Variants in NLGN4X observed in about 807,000 individuals in gnomAD.
NLGN4X encodes the protein neuroligin 4 X-linked.
NLGN4X carries 3 observed loss-of-function variants against 40.3 expected under a neutral mutation model. The ratio of observed to expected loss-of-function variants is 0.07; its 90% CI spans 0.03 to 0.19. The LOEUF (loss-of-function observed/expected upper bound fraction) is 0.19. NLGN4X is among the 10% of genes least tolerant of loss of function. The probability of loss-of-function intolerance (pLI) is 1.00; values close to 1 mark genes in which losing one functional copy is unlikely to be tolerated. For missense variants in NLGN4X, 382 were observed against 708.3 expected, an observed-to-expected ratio of 0.54 and a Z score of 5.23; for synonymous variants, 270 against 306.8, an observed-to-expected ratio of 0.88 and a Z score of 1.25.
intron 1 of NLGN4X, among the ~76,000 whole-genome samples, chrX:6,153,987 T>A (rs2040213185): frequency 8.9e-6 from 1 of 112,649 alleles, no homozygotes; most frequent in Admixed American, 9.4e-5. Context: ...CCCTTGTTTT[T>A]TGAAATTTGG....
intron 2 of NLGN4X, among the ~76,000 whole-genome samples, chrX:6,098,341 A>G (rs2038830063): frequency 9.0e-6 from 1 of 111,565 alleles, no homozygotes; most frequent in Non-Finnish European, 1.9e-5. Context: ...AATAAAAACT[A>G]GAAAAGCACA....
chrX:6,082,948 G>GTTTTTTTTTTTTTTTTTT (rs930625574), intron 2 of NLGN4X, among the ~76,000 whole-genome samples: 1 of 70,358 alleles, frequency 1.4e-5, no homozygotes, highest in African/African-American at 4.8e-5. Flanking sequence ...GCCATGATGC[G>GTTTTTTTTTTTTTTTTTT]TTTTTTTCTT....
chrX:5,923,069 C>T (rs1239581803), intron 3 of NLGN4X, among the ~76,000 whole-genome samples: 1 of 111,486 alleles, frequency 9.0e-6, no homozygotes, highest in Non-Finnish European at 1.9e-5. Flanking sequence ...ACCTATTCAT[C>T]ACTACAAACA....
At chrX:5,956,907 T>G (rs1187983379) in intron 3 of NLGN4X, among the ~76,000 whole-genome samples, 1 of 111,806 alleles carries the variant, frequency 8.9e-6, no homozygotes, top group African/African-American at 3.3e-5. Context: ...ACAATCTGAT[T>G]ATTGGCATTT....
chrX:5,942,511 G>A lies in NLGN4X; in HGVS notation c.626-33272C>T, dbSNP rs150268364. On this transcript the variant is annotated intron_variant, in intron 3 of 5. Transcript: ENST00000381095. ...AGCCTGGCCAACATGGCGAAACCTC[G>A]TCTCTACTAAAAATAGAAAAATTAG... Among the ~76,000 whole-genome samples the A allele has an allele frequency of 2.4e-3, 267 of 110,531 alleles. 2 individuals are homozygous for A. Among genetic ancestry groups the A allele is most frequent in the Non-Finnish European group, 2.9e-3 (155 of 52,844 alleles).
At chrX:6,171,860 T>C (rs994819924) in intron 1 of NLGN4X, among the ~76,000 whole-genome samples, 23 of 111,447 alleles carry the variant, frequency 2.1e-4, no homozygotes, top group African/African-American at 7.5e-4. Flanking sequence ...GGTGATGGCA[T>C]CATGGGGAGC....
intron 3 of NLGN4X, among the ~76,000 whole-genome samples, chrX:5,966,616 A>G (rs1423920001): frequency 8.9e-6 from 1 of 112,765 alleles, no homozygotes; most frequent in African/African-American, 3.2e-5. Flanking sequence ...CTGAAAAAAT[A>G]CAGACACATG....
intron 2 of NLGN4X, among the ~76,000 whole-genome samples, chrX:6,083,110 C>T (rs1173423887): frequency 3.9e-5 from 4 of 101,620 alleles, no homozygotes; most frequent in Non-Finnish European, 8.0e-5. Flanking sequence ...AGGTGCCCGC[C>T]ACCTCGCCCG....
intron 1 of NLGN4X, among the ~76,000 whole-genome samples, chrX:6,196,476 C>T (rs903565043): frequency 1.3e-4 from 12 of 93,603 alleles, no homozygotes; most frequent in Admixed American, 4.1e-4. Flanking sequence ...GGCGTGAACC[C>T]GGGAGGCGGA....
chrX:6,201,358 T>C (rs1176066432), intron 1 of NLGN4X, among the ~76,000 whole-genome samples: 2 of 112,013 alleles, frequency 1.8e-5, no homozygotes, highest in Non-Finnish European at 3.8e-5. Context: ...GGATGAAGTA[T>C]AACACCCAGA....
At chrX:6,041,109 C>T (rs1784796305) in intron 2 of NLGN4X, among the ~76,000 whole-genome samples, 1 of 111,195 alleles carries the variant, frequency 9.0e-6, no homozygotes. Context: ...ACATGCAACC[C>T]TGACAAGCTT....
intron 3 of NLGN4X, among the ~76,000 whole-genome samples, chrX:5,909,872 CA>C (rs2032400603): frequency 2.7e-5 from 3 of 110,812 alleles, no homozygotes. Flanking sequence ...TAGTCACATA[CA>C]AAAAAATGTA....
In NLGN4X at chrX:6,151,579, G is replaced by A. The variant is rs192103312; in HGVS notation, c.-113C>T. On this transcript the variant is annotated 5_prime_UTR_variant, in exon 2 of 6. Transcript: ENST00000381095. ...GGCTTTCCAGGGAGCAGTAGACCTG[G>A]GAGAGACTCTCAGACTGATCACAGA... 2.7e-3 allele frequency: 1,682 copies of A among 618,262 alleles called. 16 individuals carry two copies. In the African/African-American group the frequency reaches 0.032, roughly 12 times the overall value. 51.0% of individuals were successfully genotyped at this position (618,262 alleles called of 1,213,427 possible).
chrX:5,909,637 G>C (rs2146763204), intron 3 of NLGN4X, among the ~76,000 whole-genome samples: 1 of 102,970 alleles, frequency 9.7e-6, no homozygotes, highest in Non-Finnish European at 2.0e-5. Flanking sequence ...AGGGAAAACA[G>C]TACGTGTGTG....
intron 3 of NLGN4X, among the ~76,000 whole-genome samples, chrX:5,948,781 C>G (rs1370382010): frequency 8.9e-6 from 1 of 111,897 alleles, no homozygotes; most frequent in East Asian, 2.8e-4. Flanking sequence ...TTCAAACAAC[C>G]TTTTATGAGG....
chrX:6,104,986 C>T (rs999224210), intron 2 of NLGN4X, among the ~76,000 whole-genome samples: 5 of 111,276 alleles, frequency 4.5e-5, no homozygotes, highest in South Asian at 3.8e-4. Context: ...GATACTGGGA[C>T]GGTAACTGGA....
At chrX:6,190,378 CAA>C (rs936144696) in intron 1 of NLGN4X, among the ~76,000 whole-genome samples, 1 of 111,758 alleles carries the variant, frequency 8.9e-6, no homozygotes, top group African/African-American at 3.3e-5. Context: ...TAAATTTTGA[CAA>C]AAGTTTGGAA....
intron 2 of NLGN4X, among the ~76,000 whole-genome samples, chrX:6,105,192 C>G (rs1355881325): frequency 9.1e-6 from 1 of 110,359 alleles, no homozygotes; most frequent in East Asian, 2.9e-4. Flanking sequence ...TCCTGAGTAG[C>G]TGGGATTATA....
At chrX:6,148,291 C>T (rs945146426) in intron 2 of NLGN4X, among the ~76,000 whole-genome samples, 3 of 111,604 alleles carry the variant, frequency 2.7e-5, no homozygotes, top group African/African-American at 9.8e-5. Flanking sequence ...ATTTGTCTTT[C>T]TGGCTTTGTC....
Sources: allele counts gnomAD v4.1 joint callset (sites outside exome capture counted in the v4.1 genomes callset), GRCh38; gene constraint gnomAD v4.1.1; transcripts MANE v1.5; gene names NCBI Gene and HGNC (gene_info 2026-07-23, HGNC 2026-07-21).